APIP: variants seen among roughly 807,000 people sequenced by gnomAD.
The protein encoded by APIP is APAF1 interacting protein, also known as methylthioribulose-1-phosphate dehydratase.
APIP carries 32 observed loss-of-function variants against 32.0 expected under a neutral mutation model. That is an observed-to-expected ratio of 1.00 (90% CI 0.76 to 1.34). APIP has a LOEUF of 1.34. Among genes scored for constraint, APIP ranks in the 40% most tolerant of loss-of-function variants. APIP has a pLI of 0.00. For missense variants in APIP, 247 were observed against 298.6 expected (o/e 0.83, Z 1.27); for synonymous variants, 92 against 94.8 (o/e 0.97, Z 0.17).
intron 1 of APIP, among the ~76,000 whole-genome samples, chr11:34,908,385 C>T (rs1361934620): frequency 6.6e-6 from 1 of 152,210 alleles, no homozygotes; most frequent in Admixed American, 6.5e-5. Context: ...GGACTGAATG[C>T]AGGCACAGTA....
At chr11:34,915,936 C>T in intron 1 of APIP, 1 of 521,908 alleles carries the variant, frequency 1.9e-6, no homozygotes, top group Non-Finnish European at 3.4e-6. Context: ...TGATAAATAC[C>T]CGGTGAGGTC....
chr11:34,908,941 C>T (rs1210116354), intron 1 of APIP, among the ~76,000 whole-genome samples: 1 of 145,096 alleles, frequency 6.9e-6, no homozygotes, highest in African/African-American at 2.8e-5. Context: ...TTGAAAACCA[C>T]CAAAGAGTTT....
At chr11:34,886,461 T>TA (rs777407237) in intron 5 of APIP, among the ~76,000 whole-genome samples, 3 of 152,108 alleles carry the variant, frequency 2.0e-5, no homozygotes, top group East Asian at 3.8e-4. Flanking sequence ...AAAAGCTTGA[T>TA]AAACTAAAAA....
chr11:34,890,454 C>T (rs1223623243), intron 3 of APIP, 50 bp downstream of exon 3: 1 of 1,511,854 alleles, frequency 6.6e-7, no homozygotes, highest in African/African-American at 1.4e-5. Context: ...TTTCATAAAA[C>T]AGTAATTAAG....
intron 1 of APIP, among the ~76,000 whole-genome samples, chr11:34,910,104 G>A (rs1370860299): frequency 6.6e-6 from 1 of 152,186 alleles, no homozygotes; most frequent in South Asian, 2.1e-4. Flanking sequence ...AGTAAGTGAC[G>A]ATTTGAGGTT....
intron 1 of APIP, chr11:34,916,012 C>T (rs1361076580): frequency 1.4e-5 from 9 of 622,560 alleles, no homozygotes; most frequent in Non-Finnish European, 2.4e-5. Flanking sequence ...CTCCCGCCAT[C>T]GGAGCGCCCC....
intron 1 of APIP, among the ~76,000 whole-genome samples, chr11:34,913,478 G>C (rs955309436): frequency 2.6e-5 from 4 of 152,232 alleles, no homozygotes; most frequent in Non-Finnish European, 5.9e-5. Flanking sequence ...GACTTTCACA[G>C]TGAGTGTTAC....
In APIP at chr11:34,895,123, G is replaced by A. The variant is rs1853246483; in HGVS notation, c.58-13C>T. Reference sequence around the variant, plus strand: ...GATGCTCCTTGTCCTTAAAAAGAAGGTAATGATTTTTAAAACAGACATCAT... The same window carrying A: ...GATGCTCCTTGTCCTTAAAAAGAAGATAATGATTTTTAAAACAGACATCAT... On this transcript the variant is annotated splice_polypyrimidine_tract_variant and intron_variant, in intron 1 of 6. Coordinates refer to ENST00000395787, the MANE Select transcript of APIP (RefSeq NM_015957.4). 1.2e-6 allele frequency: 2 copies of A among 1,601,816 alleles called. No individual in the cohort carries two copies. The highest frequency in any genetic ancestry group is 1.1e-5 in the South Asian group (1 of 90,728).
rs146219330 is a variant in APIP at position 34,883,685 on chromosome 11, A to C, written c.462-181T>G. 1.9e-3 allele frequency among the ~76,000 whole-genome samples: 293 copies of C among 152,296 alleles called. 4 individuals carry two copies. Among genetic ancestry groups the C allele is most frequent in the East Asian group, 0.013 (65 of 5,180 alleles). On this transcript the variant is annotated intron_variant, in intron 5 of 6. Coordinates refer to ENST00000395787, the MANE Select transcript of APIP (RefSeq NM_015957.4). ...ACCTTGTATAAACATCTCTATCAAA[A>C]GGTACCTTGGGAATGTGGCAGGCTT...
intron 2 of APIP, among the ~76,000 whole-genome samples, chr11:34,894,612 G>C (rs1853237614): frequency 6.6e-6 from 1 of 152,094 alleles, no homozygotes; most frequent in African/African-American, 2.4e-5. Context: ...TCGCCCCACT[G>C]CACTCCAGCC....
Position 34,882,566 on chromosome 11 carries a change from T to C in APIP, c.*151A>G, listed in dbSNP as rs954106447. On this transcript the variant is annotated 3_prime_UTR_variant, in exon 7 of 7. Transcript: ENST00000395787. ...AAGAATATAAGCAAATAACATCCAATGTCAGAAGAGATTCAGGGTGACCAT... is the reference window on the plus strand; with the variant it reads ...AAGAATATAAGCAAATAACATCCAACGTCAGAAGAGATTCAGGGTGACCAT... 2 of 505,024 alleles carry C rather than the reference T, an allele frequency of 4.0e-6. No homozygotes were observed. The highest frequency in any genetic ancestry group is 3.8e-5 in the Admixed American group (1 of 26,664). The allele number at this position is 505,024 out of a possible 1,614,324, so 31.3% of individuals were successfully genotyped here. A position where few individuals can be genotyped will look rare whatever the true frequency, so the allele number is the denominator to read the frequency against.
At chr11:34,891,622 G>A (rs1487908828) in intron 2 of APIP, among the ~76,000 whole-genome samples, 2 of 152,122 alleles carry the variant, frequency 1.3e-5, no homozygotes, top group Admixed American at 1.3e-4. Context: ...AAAATCTAAG[G>A]TGAAATCAAA....
At chr11:34,901,163 T>C (rs1301305231) in intron 1 of APIP, among the ~76,000 whole-genome samples, 1 of 152,024 alleles carries the variant, frequency 6.6e-6, no homozygotes, top group Non-Finnish European at 1.5e-5. Context: ...ACAGAGGCTC[T>C]AGTAGCAGTG....
chr11:34,883,092 G>T lies in APIP; in HGVS notation c.629+245C>A, dbSNP rs557767657. On this transcript the variant is annotated intron_variant, in intron 6 of 6. Coordinates refer to ENST00000395787, the MANE Select transcript of APIP (RefSeq NM_015957.4). ...AATTTACATTTTTTTTAAACTAGAT[G>T]TCACTTTCTGAAATAGAACTTTTGT... 5.9e-5 allele frequency among the ~76,000 whole-genome samples: 9 copies of T among 152,200 alleles called. No individual in the cohort carries two copies. In the East Asian group the frequency reaches 1.7e-3, roughly 29 times the overall value.
intron 1 of APIP, among the ~76,000 whole-genome samples, chr11:34,911,677 A>C (rs1311184067): frequency 6.6e-6 from 1 of 152,182 alleles, no homozygotes; most frequent in African/African-American, 2.4e-5. Context: ...ACTCCCACAT[A>C]GCAAAAACGA....
rs1478929779 is a variant in APIP, at chr11:34,882,420, T to C, written c.*297A>G. ...CAGCATCTTTAAAAATTAAGAGGAA[T>C]TCTCTGAGAGTATATATAAAAAAGA... On this transcript the variant is annotated 3_prime_UTR_variant, in exon 7 of 7. Transcript: ENST00000395787. The C allele has an allele frequency of 5.9e-6, 1 of 170,084 alleles. No homozygotes were observed. Among genetic ancestry groups the C allele is most frequent in the African/African-American group, 2.4e-5 (1 of 42,212 alleles). 10.5% of individuals were successfully genotyped at this position (170,084 alleles called of 1,614,324 possible).
chr11:34,900,347 C>T (rs1041276150), intron 1 of APIP, among the ~76,000 whole-genome samples: 2 of 152,138 alleles, frequency 1.3e-5, no homozygotes, highest in African/African-American at 4.8e-5. Context: ...ACCATCAGCT[C>T]CTCTAGCTCC....
chr11:34,907,080 A>ATC (rs1853471866), intron 1 of APIP, among the ~76,000 whole-genome samples: 1 of 152,172 alleles, frequency 6.6e-6, no homozygotes, highest in Non-Finnish European at 1.5e-5. Context: ...AAGTAGCCAG[A>ATC]AAGAGTTCTT....
At chr11:34,893,711 CTT>C (rs897930275) in intron 2 of APIP, among the ~76,000 whole-genome samples, 5 of 152,198 alleles carry the variant, frequency 3.3e-5, no homozygotes, top group African/African-American at 1.2e-4. Flanking sequence ...AGAGGAACCT[CTT>C]GTCATTTCCC....
Sources: allele counts gnomAD v4.1 joint callset (sites outside exome capture counted in the v4.1 genomes callset), GRCh38; gene constraint gnomAD v4.1.1; transcripts MANE v1.5; gene names NCBI Gene and HGNC (gene_info 2026-07-23, HGNC 2026-07-21).